MTA3: variants seen among roughly 807,000 people sequenced by gnomAD.
MTA3 encodes metastasis associated 1 family member 3, also known as metastasis-associated protein MTA3.
MTA3 carries 34 observed loss-of-function variants against 83.5 expected under a neutral mutation model. That is an observed-to-expected ratio of 0.41 (90% CI 0.31 to 0.54). The LOEUF is 0.54. Ranked by LOEUF, MTA3 falls within the 20% of genes least tolerant of loss-of-function variation. The pLI, the probability that MTA3 is intolerant of heterozygous loss-of-function variation, is 0.33. For missense variants in MTA3, 761 were observed against 726.4 expected (o/e 1.05, Z -0.55); for synonymous variants, 303 against 252.7 (o/e 1.20, Z -1.89).
intron 2 of MTA3, among the ~76,000 whole-genome samples, chr2:42,527,783 A>C (rs1257463384): frequency 6.6e-6 from 1 of 151,806 alleles, no homozygotes; most frequent in Non-Finnish European, 1.5e-5. Flanking sequence ...TGAGCCCAGA[A>C]GGGTGAGGCC....
In MTA3 at chr2:42,709,210, T is replaced by G; in HGVS notation, c.1525+114T>G. On this transcript the variant is annotated intron_variant, in intron 14 of 16. Transcript: ENST00000405094. The stretch of plus-strand genomic sequence containing the variant: ...TTTGCAATAAACATAAGTTCTTGTG[T>G]ACAGCCTTTTATTTGGTTTATTTTT... 4.8e-6 allele frequency: 7 copies of G among 1,456,020 alleles called. No individual in the cohort carries two copies. In the South Asian group the frequency reaches 1.0e-4, roughly 22 times the overall value. The allele number at this position is 1,456,020 out of a possible 1,614,324, so 90.2% of individuals were successfully genotyped here. A position where few individuals can be genotyped will look rare whatever the true frequency, so the allele number is the denominator to read the frequency against.
At position 42,674,047 on chromosome 2, in the gene MTA3, TG is replaced by T; in HGVS notation, c.703-8353del. 2.0e-5 allele frequency among the ~76,000 whole-genome samples: 3 copies of T among 152,344 alleles called. No homozygotes were observed. The Middle Eastern group carries it at 0.01, about 518-fold the overall frequency. On this transcript the variant is annotated intron_variant, in intron 8 of 16. Transcript: ENST00000405094. ...TCTGCTGAGCTAGACTGGGCTCTGATGTAGGTGCCAAGCTATAGGTTGGGTC... is the reference window on the plus strand; with the variant it reads ...TCTGCTGAGCTAGACTGGGCTCTGATTAGGTGCCAAGCTATAGGTTGGGTC...
At chr2:42,695,888 T>C in intron 10 of MTA3, 49 bp downstream of exon 10, 2 of 1,222,608 alleles carry the variant, frequency 1.6e-6, no homozygotes, top group Admixed American at 2.8e-5. Context: ...AAGTGAACTT[T>C]CTGTTTATAT....
At chr2:42,572,920 G>GT (rs1558446467) in intron 2 of MTA3, among the ~76,000 whole-genome samples, 1 of 152,046 alleles carries the variant, frequency 6.6e-6, no homozygotes, top group Non-Finnish European at 1.5e-5. Context: ...TAGAGACAGA[G>GT]TTTCACCATG....
At chr2:42,578,417 C>A (rs1679278285) in intron 2 of MTA3, among the ~76,000 whole-genome samples, 1 of 152,018 alleles carries the variant, frequency 6.6e-6, no homozygotes, top group Non-Finnish European at 1.5e-5. Flanking sequence ...TAGATTGTAG[C>A]CAAAAAGAAA....
upstream of MTA3, among the ~76,000 whole-genome samples, chr2:42,564,438 C>T (rs912152169): frequency 7.9e-5 from 12 of 152,286 alleles, no homozygotes; most frequent in African/African-American, 2.9e-4. Context: ...ACAGAACTCC[C>T]AATTCTGTTT....
At chr2:42,613,933 A>G (rs761402920) in intron 4 of MTA3, 1 of 152,146 alleles carries the variant, frequency 6.6e-6, no homozygotes, top group Non-Finnish European at 1.5e-5. Flanking sequence ...GAGAGGCAGC[A>G]TGCTTCATTT....
chr2:42,708,952 G>T lies in MTA3; in HGVS notation c.1381G>T (p.Ala461Ser), dbSNP rs376510820. Residue 461 changes from alanine to serine, a missense_variant, in exon 14 of 17, where the codon GCA (alanine) becomes TCA (serine). Transcript: ENST00000405094. Reference sequence around the variant, plus strand: ...CCGAAACACTGGGAGTCCAAAGTCTGCAGTGAAGACCCGCCAAGCTTTCTT... The same window carrying T: ...CCGAAACACTGGGAGTCCAAAGTCTTCAGTGAAGACCCGCCAAGCTTTCTT... ...PVRNTGSPKS[A>S]VKTRQAFFLH... 45 of 1,614,004 alleles carry T rather than the reference G, an allele frequency of 2.8e-5. No homozygotes were observed. Among genetic ancestry groups the T allele is most frequent in the Non-Finnish European group, 3.6e-5 (43 of 1,179,896 alleles).
chr2:42,663,030 G>A (rs867948712), intron 8 of MTA3, among the ~76,000 whole-genome samples: 1 of 151,988 alleles, frequency 6.6e-6, no homozygotes, highest in African/African-American at 2.4e-5. Context: ...GTGCCTGGCC[G>A]GATAAAAATA....
chr2:42,540,940 A>G (rs1676491398), intron 2 of MTA3, among the ~76,000 whole-genome samples: 1 of 152,048 alleles, frequency 6.6e-6, no homozygotes, highest in African/African-American at 2.4e-5. Context: ...TGTACTACAC[A>G]TGGTCCCTGA....
chr2:42,629,190 C>T (rs143053929), intron 4 of MTA3, among the ~76,000 whole-genome samples: 23 of 152,136 alleles, frequency 1.5e-4, no homozygotes, highest in Admixed American at 1.1e-3. Context: ...AGCAATTCTC[C>T]TGCCACAGCC....
intron 5 of MTA3, among the ~76,000 whole-genome samples, chr2:42,642,001 T>C (rs1396491481): frequency 3.3e-5 from 5 of 152,146 alleles, no homozygotes. Context: ...ATAAGAACTC[T>C]GCACTTGTAC....
intron 2 of MTA3, among the ~76,000 whole-genome samples, chr2:42,537,951 G>A (rs1357121702): frequency 6.6e-6 from 1 of 152,112 alleles, no homozygotes. Context: ...TTTGACAATA[G>A]GCCAGGCACA....
intron 14 of MTA3, among the ~76,000 whole-genome samples, chr2:42,716,693 T>TG (rs1667055173): frequency 6.6e-6 from 1 of 152,250 alleles, no homozygotes; most frequent in African/African-American, 2.4e-5. Flanking sequence ...TAGTGTTTCA[T>TG]GGTGTACATG....
chr2:42,640,881 C>T (rs564010312), intron 5 of MTA3, among the ~76,000 whole-genome samples: 4 of 152,064 alleles, frequency 2.6e-5, no homozygotes, highest in Admixed American at 6.6e-5. Context: ...TTTTTTTCTT[C>T]TCCCCCAAAA....
intron 5 of MTA3, among the ~76,000 whole-genome samples, chr2:42,641,722 C>T (rs557857258): frequency 3.1e-3 from 475 of 152,088 alleles, no homozygotes; most frequent in African/African-American, 0.011. Context: ...AAAAATTAAC[C>T]GGGCGTGGTG....
chr2:42,705,534 G>C (rs1380539076), intron 12 of MTA3, among the ~76,000 whole-genome samples: 25 of 152,006 alleles, frequency 1.6e-4, no homozygotes, highest in Admixed American at 1.6e-3. Context: ...GTGAAACCCC[G>C]TCTCTACTAA....
chr2:42,726,972 C>A (rs1667870810), intron 16 of MTA3, among the ~76,000 whole-genome samples: 1 of 152,156 alleles, frequency 6.6e-6, no homozygotes, highest in Admixed American at 6.5e-5. Flanking sequence ...GCGGGAGGCT[C>A]ACTTGAGCCC....
At chr2:42,640,272 C>T in intron 5 of MTA3, 36 bp downstream of exon 5, 2 of 1,433,280 alleles carry the variant, frequency 1.4e-6, no homozygotes, top group Non-Finnish European at 1.9e-6. Flanking sequence ...TTTTTTTCTC[C>T]CTTTATTTCA....
Sources: gnomAD v4.1 joint callset for allele counts (sites outside exome capture counted in the v4.1 genomes callset) on GRCh38, gnomAD v4.1.1 for gene constraint, MANE v1.5 for transcripts, NCBI Gene and HGNC (gene_info 2026-07-23, HGNC 2026-07-21) for gene names.